Variants in NFU1 observed in about 807,000 individuals in gnomAD.
NFU1 encodes NFU1 iron-sulfur cluster scaffold homolog, mitochondrial.
In NFU1, 30 loss-of-function variants were observed where a neutral mutation model predicts 32.2. The observed-to-expected ratio is 0.93, with a 90% confidence interval of 0.70 to 1.26. The LOEUF is 1.26. Ranked by LOEUF, NFU1 falls within the 50% of genes most tolerant of loss-of-function variation. The pLI is 0.00. For missense variants in NFU1, 306 were observed against 306.6 expected (o/e 1.00, Z 0.02); for synonymous variants, 112 against 104.6 (o/e 1.07, Z -0.43).
chr2:69,432,889 C>T (rs529254757), intron 1 of NFU1, among the ~76,000 whole-genome samples: 1 of 151,988 alleles, frequency 6.6e-6, no homozygotes, highest in African/African-American at 2.4e-5. Context: ...GTGGCTCACG[C>T]CTGTAATGCC....
At chr2:69,409,247 A>T (rs1458382711) in intron 5 of NFU1, among the ~76,000 whole-genome samples, 1 of 152,222 alleles carries the variant, frequency 6.6e-6, no homozygotes, top group Non-Finnish European at 1.5e-5. Context: ...TGTAGTACTA[A>T]AAATTTTCAT....
upstream of NFU1, chr2:69,437,639 A>G (rs1351529409): frequency 3.1e-6 from 2 of 650,496 alleles, no homozygotes; most frequent in Non-Finnish European, 5.5e-6. Flanking sequence ...GTTTGCGCCA[A>G]CGCTTGGTTA....
chr2:69,426,486 A>C lies in NFU1; in HGVS notation c.167-2769T>G, dbSNP rs150952203. 2.2e-3 allele frequency among the ~76,000 whole-genome samples: 339 copies of C among 151,836 alleles called. 2 individuals carry two copies. The highest frequency in any genetic ancestry group is 7.7e-3 in the African/African-American group (319 of 41,414). On this transcript the variant is annotated intron_variant, in intron 2 of 7. Transcript: ENST00000410022. ...TTTTTAGTAGAGATGAGGTTTCACC[A>C]TGTTGGCCAGGCTAATCTCGAACTC...
chr2:69,419,560 G>T lies in NFU1; in HGVS notation c.347C>A (p.Pro116Gln). Residue 116 changes from proline (P) to glutamine (Q), a missense_variant, in exon 4 of 8, where the codon CCA becomes CAA. Physicochemically the swap from Pro to Gln is moderately conservative, Grantham distance 76. Coordinates refer to ENST00000410022, the MANE Select transcript of NFU1 (RefSeq NM_001002755.4). ...TACCTTTGTGACAGTGATGAAATCTGGTCCAAAGAAGACACTTTTTACTCC... is the reference window on the plus strand; with the variant it reads ...TACCTTTGTGACAGTGATGAAATCTTGTCCAAAGAAGACACTTTTTACTCC... ...IEGVKSVFFG[P>Q]DFITVTKENE... The T allele has an allele frequency of 6.3e-7, 1 of 1,590,078 alleles. No homozygotes were observed. The highest frequency in any genetic ancestry group is 8.6e-7 in the Non-Finnish European group (1 of 1,159,516).
At position 69,431,905 on chromosome 2, in the gene NFU1, G is replaced by T. The variant is rs746527845; in HGVS notation, c.163C>A (p.Pro55Thr). 7 of 1,600,534 alleles carry T rather than the reference G, an allele frequency of 4.4e-6. No individual in the cohort carries two copies. The highest frequency in any genetic ancestry group is 3.3e-5 in the Admixed American group (2 of 59,994). The change falls in exon 2 of 8, where the codon CCA (proline) becomes ACA (threonine). Residue 55 changes from proline to threonine, a missense_variant. Physicochemically the swap from Pro to Thr is conservative, Grantham distance 38 (BLOSUM62 -1). Coordinates refer to ENST00000410022, the MANE Select transcript of NFU1 (RefSeq NM_001002755.4). ...LFPLPAAFYHPVRYMFIQTQD... is the reference protein window; with the variant it reads ...LFPLPAAFYHTVRYMFIQTQD... ...TATAAAAGAGGTGAAATTTTACCTG[G>T]GTGATAAAAGGCTGCAGGTAGTGGG...
intron 1 of NFU1, 157 bp downstream of exon 1, chr2:69,437,204 C>T (rs1673872793): frequency 2.8e-6 from 4 of 1,444,568 alleles, no homozygotes; most frequent in Non-Finnish European, 3.6e-6. Flanking sequence ...GCACAGACAG[C>T]CTCAGGGCTC....
intron 3 of NFU1, 81 bp from the exon 4 acceptor site, chr2:69,419,685 A>T (rs896494878): frequency 2.4e-6 from 2 of 833,698 alleles, no homozygotes; most frequent in African/African-American, 3.4e-5. Flanking sequence ...AGAGAAAAGT[A>T]AAAAATTCTC....
chr2:69,405,274 A>C (rs1672660862), intron 6 of NFU1, among the ~76,000 whole-genome samples: 1 of 152,136 alleles, frequency 6.6e-6, no homozygotes, highest in African/African-American at 2.4e-5. Flanking sequence ...ACTTTTCTTA[A>C]CTTCCCTGCT....
chr2:69,396,836 G>C (rs1672353888), intron 7 of NFU1, among the ~76,000 whole-genome samples: 1 of 152,096 alleles, frequency 6.6e-6, no homozygotes, highest in Non-Finnish European at 1.5e-5. Context: ...ACTTTGGGAG[G>C]CTGAGGCAGG....
upstream of NFU1, among the ~76,000 whole-genome samples, chr2:69,438,146 C>T (rs903270765): frequency 6.6e-6 from 1 of 152,092 alleles, no homozygotes; most frequent in Non-Finnish European, 1.5e-5. Context: ...CAGGAGAACA[C>T]GTTAGAAATG....
At chr2:69,429,247 A>T (rs989292940) in intron 2 of NFU1, among the ~76,000 whole-genome samples, 2 of 152,134 alleles carry the variant, frequency 1.3e-5, no homozygotes, top group African/African-American at 4.8e-5. Context: ...TGCACACAGT[A>T]CTCTACCAAT....
intron 5 of NFU1, among the ~76,000 whole-genome samples, chr2:69,408,546 C>T (rs939949890): frequency 6.6e-6 from 1 of 151,898 alleles, no homozygotes; most frequent in Admixed American, 6.6e-5. Context: ...ATGGTGAAAT[C>T]CCGTCTCTAC....
chr2:69,403,874 T>C (rs563481369), intron 6 of NFU1, among the ~76,000 whole-genome samples: 1 of 151,848 alleles, frequency 6.6e-6, no homozygotes, highest in South Asian at 2.1e-4. Context: ...AGTCTCACTC[T>C]GTCGCCCAGG....
chr2:69,409,731 G>C (rs1672815823), intron 5 of NFU1, among the ~76,000 whole-genome samples: 1 of 152,060 alleles, frequency 6.6e-6, no homozygotes, highest in South Asian at 2.1e-4. Flanking sequence ...TTAGCACTCA[G>C]CTCTCAAAAG....
intron 2 of NFU1, 67 bp downstream of exon 2, chr2:69,431,835 C>T: frequency 2.1e-6 from 2 of 971,506 alleles, no homozygotes; most frequent in Non-Finnish European, 3.3e-6. Context: ...TTTTATGATC[C>T]ACAAAATCCT....
At chr2:69,434,184 G>A (rs895398919) in intron 1 of NFU1, among the ~76,000 whole-genome samples, 8 of 146,536 alleles carry the variant, frequency 5.5e-5, no homozygotes, top group South Asian at 2.1e-4. Flanking sequence ...TTGCTCTGTC[G>A]CCCAGGATGG....
At chr2:69,412,952 A>C (rs1220650059) in intron 5 of NFU1, among the ~76,000 whole-genome samples, 2 of 152,136 alleles carry the variant, frequency 1.3e-5, no homozygotes, top group African/African-American at 4.8e-5. Context: ...AATGGCCAAT[A>C]AACATATGAA....
intron 1 of NFU1, 145 bp downstream of exon 1, chr2:69,437,215 AC>A: frequency 6.9e-7 from 1 of 1,459,076 alleles, no homozygotes; most frequent in South Asian, 1.4e-5. Context: ...CTCAGGGCTC[AC>A]CCCCAACTAC....
At chr2:69,414,804 G>T (rs570417677) in intron 5 of NFU1, among the ~76,000 whole-genome samples, 1 of 151,974 alleles carries the variant, frequency 6.6e-6, no homozygotes, top group Admixed American at 6.6e-5. Flanking sequence ...TTTACTTTAT[G>T]CTCTATATTC....
Sources: gnomAD v4.1 joint callset for allele counts (sites outside exome capture counted in the v4.1 genomes callset) on GRCh38, gnomAD v4.1.1 for gene constraint, MANE v1.5 for transcripts, NCBI Gene and HGNC (gene_info 2026-07-23, HGNC 2026-07-21) for gene names.